Variants in GNG12 observed in about 807,000 individuals in gnomAD.
GNG12 encodes the protein G protein subunit gamma 12.
For missense variants in GNG12, 69 were observed against 83.8 expected (o/e 0.82, Z 0.69); for synonymous variants, 28 against 29.7 (o/e 0.94, Z 0.19).
chr1:67,734,033 A>T (rs1646436666), intron 2 of GNG12, among the ~76,000 whole-genome samples: 1 of 152,134 alleles, frequency 6.6e-6, no homozygotes, highest in African/African-American at 2.4e-5. Context: ...CCTTGCTCAA[A>T]TGCAGGAAAC....
At position 67,707,652 on chromosome 1, in the gene GNG12, G is replaced by T; in HGVS notation, c.35C>A (p.Ala12Asp). Residue 12 changes from alanine (A) to aspartate (D), a missense_variant, in exon 3 of 4, where the codon GCC (alanine) becomes GAC (aspartate). Ala to Asp is a moderately radical substitution (Grantham distance 126, BLOSUM62 -2). Transcript: ENST00000370982. ...SSKTASTNNIAQARRTVQQLR... is the reference protein window; with the variant it reads ...SSKTASTNNIDQARRTVQQLR... ...CTGCTGCACAGTTCTCCTTGCCTGG[G>T]CTATATTGTTGGTGCTTGCTGTTTT... 1 of 1,607,496 alleles carries T rather than the reference G, an allele frequency of 6.2e-7. No individual in the cohort carries two copies. Among genetic ancestry groups the T allele is most frequent in the East Asian group, 2.2e-5 (1 of 44,650 alleles).
At chr1:67,797,166 C>T (rs1198059580) in intron 1 of GNG12, among the ~76,000 whole-genome samples, 1 of 152,184 alleles carries the variant, frequency 6.6e-6, no homozygotes, top group African/African-American at 2.4e-5. Flanking sequence ...AGTCAGCTTC[C>T]TACCTCAGCT....
chr1:67,818,321 T>A (rs1646965405), intron 1 of GNG12, among the ~76,000 whole-genome samples: 1 of 151,258 alleles, frequency 6.6e-6, no homozygotes, highest in South Asian at 2.1e-4. Flanking sequence ...GGTTACACAG[T>A]GAGTTTGGAC....
intron 2 of GNG12, among the ~76,000 whole-genome samples, chr1:67,725,035 T>G (rs916834221): frequency 6.6e-6 from 1 of 152,194 alleles, no homozygotes; most frequent in South Asian, 2.1e-4. Flanking sequence ...ATCTAACAAG[T>G]ATGTCCAATG....
intron 1 of GNG12, among the ~76,000 whole-genome samples, chr1:67,816,421 C>T (rs573461264): frequency 6.6e-5 from 10 of 152,198 alleles, no homozygotes; most frequent in East Asian, 1.9e-4. Flanking sequence ...TTTGGATATG[C>T]GTGCAAGGGC....
At chr1:67,726,001 T>C (rs1192007168) in intron 2 of GNG12, among the ~76,000 whole-genome samples, 2 of 152,242 alleles carry the variant, frequency 1.3e-5, no homozygotes, top group Admixed American at 6.5e-5. Context: ...TGTTAAGTTT[T>C]ACTCACTCAA....
rs1380337931 is a variant in GNG12 at position 67,719,328 on chromosome 1, A to C, written c.-26-11616T>G. On this transcript the variant is annotated intron_variant, in intron 2 of 3. Transcript: ENST00000370982. ...TTGTTTATAGTAATTAATTCCCTTC[A>C]TGAATTCCTGCTACATGCTTACATC... 2.6e-5 allele frequency among the ~76,000 whole-genome samples: 4 copies of C among 152,294 alleles called. No homozygotes were observed. In the East Asian group the frequency reaches 7.7e-4, roughly 29 times the overall value.
At chr1:67,830,069 G>A (rs987580327) in intron 1 of GNG12, among the ~76,000 whole-genome samples, 4 of 144,842 alleles carry the variant, frequency 2.8e-5, no homozygotes, top group African/African-American at 1.0e-4. Flanking sequence ...GCAATGGCAC[G>A]ATCTCGATTC....
chr1:67,707,567 A>C (rs199827530), intron 3 of GNG12, 27 bp downstream of exon 3: 2 of 1,160,818 alleles, frequency 1.7e-6, no homozygotes, highest in African/African-American at 1.5e-5. Context: ...AGCAGAAAGC[A>C]TATGTTATCC....
chr1:67,730,238 G>A (rs761239305), intron 2 of GNG12, among the ~76,000 whole-genome samples: 3 of 152,316 alleles, frequency 2.0e-5, no homozygotes, highest in Admixed American at 1.3e-4. Flanking sequence ...GGTGACTTAC[G>A]CCTGTAATCC....
At chr1:67,767,794 T>C (rs990123361) in intron 2 of GNG12, among the ~76,000 whole-genome samples, 3 of 152,260 alleles carry the variant, frequency 2.0e-5, no homozygotes, top group Non-Finnish European at 4.4e-5. Flanking sequence ...TGATGTAGCT[T>C]GTTTTCACAT....
At chr1:67,763,105 G>GAGAGAGAGAGAGAGAGAGAA (rs1646615720) in intron 2 of GNG12, among the ~76,000 whole-genome samples, 1 of 149,770 alleles carries the variant, frequency 6.7e-6, no homozygotes, top group Non-Finnish European at 1.5e-5. Flanking sequence ...GAGAGAGAGA[G>GAGAGAGAGAGAGAGAGAGAA]AGAGAGAGAG....
intron 3 of GNG12, among the ~76,000 whole-genome samples, chr1:67,706,155 AT>A (rs1646246325): frequency 6.6e-6 from 1 of 152,214 alleles, no homozygotes; most frequent in Non-Finnish European, 1.5e-5. Flanking sequence ...CGGTTTATAA[AT>A]GTTTGTTGTT....
chr1:67,803,437 G>C (rs768371278), intron 1 of GNG12, among the ~76,000 whole-genome samples: 1 of 152,140 alleles, frequency 6.6e-6, no homozygotes, highest in African/African-American at 2.4e-5. Context: ...GAGAAGCACT[G>C]ATCTGGAGGA....
chr1:67,751,351 T>A (rs1646538022), intron 2 of GNG12, among the ~76,000 whole-genome samples: 1 of 152,242 alleles, frequency 6.6e-6, no homozygotes. Flanking sequence ...GAGCCACTTC[T>A]CACTACAGCA....
chr1:67,755,157 G>A (rs768047221), intron 2 of GNG12, among the ~76,000 whole-genome samples: 2 of 152,282 alleles, frequency 1.3e-5, no homozygotes, highest in African/African-American at 2.4e-5. Context: ...TACCTAGGAG[G>A]AGAGCTTGCT....
At chr1:67,768,759 A>G (rs1646655734) in intron 2 of GNG12, among the ~76,000 whole-genome samples, 1 of 152,246 alleles carries the variant, frequency 6.6e-6, no homozygotes, top group Admixed American at 6.5e-5. Context: ...ACTCTAGTCT[A>G]TCTGCCCACA....
At chr1:67,735,896 G>C (rs572854125) in intron 2 of GNG12, among the ~76,000 whole-genome samples, 7 of 152,272 alleles carry the variant, frequency 4.6e-5, no homozygotes, top group African/African-American at 1.4e-4. Context: ...TTGGCAAAGA[G>C]GATCTTCTGA....
chr1:67,747,160 C>T (rs138897737), intron 2 of GNG12, among the ~76,000 whole-genome samples: 15,519 of 152,206 alleles, frequency 0.1, 921 homozygotes, highest in African/African-American at 0.16. Context: ...TGCTCTGTTG[C>T]CCAGGCTGGA....
Sources: gnomAD v4.1 joint callset for allele counts (sites outside exome capture counted in the v4.1 genomes callset) on GRCh38, gnomAD v4.1.1 for gene constraint, MANE v1.5 for transcripts, NCBI Gene and HGNC (gene_info 2026-07-23, HGNC 2026-07-21) for gene names.